The following RFX3 variants were observed in gnomAD, a reference collection of about 807,000 sequenced individuals.
RFX3 encodes the protein transcription factor RFX3.
In RFX3, 14 loss-of-function variants were observed where a neutral mutation model predicts 98.6. The ratio of observed to expected loss-of-function variants is 0.14; its 90% confidence interval spans 0.09 to 0.22. The LOEUF is 0.22. Among genes scored for constraint, RFX3 ranks in the 10% least tolerant of loss-of-function variants. The probability of loss-of-function intolerance (pLI) is 1.00; values close to 1 mark genes in which losing one functional copy is unlikely to be tolerated. For missense variants in RFX3, 639 were observed against 926.9 expected, an observed-to-expected ratio of 0.69 and a Z score of 4.03; for synonymous variants, 383 against 328.4, an observed-to-expected ratio of 1.17 and a Z score of -1.80.
intron 2 of RFX3, among the ~76,000 whole-genome samples, chr9:3,370,052 A>T (rs964469385): frequency 6.8e-6 from 1 of 146,858 alleles, no homozygotes; most frequent in African/African-American, 2.5e-5. Flanking sequence ...CGTGTTAGCC[A>T]GGATGGTCTC....
chr9:3,414,737 T>A (rs866486897), intron 1 of RFX3, among the ~76,000 whole-genome samples: 1 of 88,690 alleles, frequency 1.1e-5, no homozygotes, highest in African/African-American at 3.5e-5. Flanking sequence ...AGTATATATG[T>A]ATATATGAGT....
At chr9:3,360,935 T>C (rs887511649) in intron 2 of RFX3, among the ~76,000 whole-genome samples, 1 of 152,196 alleles carries the variant, frequency 6.6e-6, no homozygotes, top group South Asian at 2.1e-4. Context: ...ACAATACTAG[T>C]CTCTTTGTAA....
intron 1 of RFX3, among the ~76,000 whole-genome samples, chr9:3,498,605 T>G (rs1253314511): frequency 6.6e-6 from 1 of 152,078 alleles, no homozygotes; most frequent in Non-Finnish European, 1.5e-5. Context: ...GTTGTTATTT[T>G]GGGTATATTA....
chr9:3,412,442 T>C (rs1842539208), intron 1 of RFX3, among the ~76,000 whole-genome samples: 1 of 152,184 alleles, frequency 6.6e-6, no homozygotes, highest in Non-Finnish European at 1.5e-5. Flanking sequence ...TAAATAGTAA[T>C]TATCTATAGA....
At chr9:3,383,110 G>T (rs185488088) in intron 2 of RFX3, among the ~76,000 whole-genome samples, 5 of 151,890 alleles carry the variant, frequency 3.3e-5, no homozygotes, top group African/African-American at 1.2e-4. Flanking sequence ...ATTCCTTTCC[G>T]CAGATTACCC....
At chr9:3,373,056 C>T (rs1838041080) in intron 2 of RFX3, among the ~76,000 whole-genome samples, 1 of 152,116 alleles carries the variant, frequency 6.6e-6, no homozygotes, top group Non-Finnish European at 1.5e-5. Context: ...GCCAACTATT[C>T]GTTGCCATAT....
At chr9:3,482,308 G>A (rs748234884) in intron 1 of RFX3, among the ~76,000 whole-genome samples, 4 of 151,596 alleles carry the variant, frequency 2.6e-5, no homozygotes, top group Non-Finnish European at 5.9e-5. Flanking sequence ...CACACAAGCA[G>A]AAGCACACCC....
intron 2 of RFX3, among the ~76,000 whole-genome samples, chr9:3,348,305 C>G (rs1834683243): frequency 6.6e-6 from 1 of 151,954 alleles, no homozygotes; most frequent in African/African-American, 2.4e-5. Flanking sequence ...TAGTATTGTA[C>G]CATATCAGTT....
intron 2 of RFX3, among the ~76,000 whole-genome samples, chr9:3,370,369 G>A (rs79842042): frequency 0.03 from 4,589 of 151,688 alleles, 255 homozygotes; most frequent in African/African-American, 0.11. Flanking sequence ...TCCAACCATA[G>A]TATCAATATT....
chr9:3,489,850 T>C (rs910142598), intron 1 of RFX3, among the ~76,000 whole-genome samples: 1 of 152,156 alleles, frequency 6.6e-6, no homozygotes, highest in African/African-American at 2.4e-5. Flanking sequence ...CCAGTGCTCT[T>C]TCTTTATTGT....
chr9:3,512,356 C>T (rs1405989857), intron 1 of RFX3, among the ~76,000 whole-genome samples: 2 of 151,870 alleles, frequency 1.3e-5, no homozygotes, highest in African/African-American at 4.8e-5. Context: ...GTTTATTATA[C>T]TACTCCAGTG....
In RFX3 at chr9:3,394,867, A is replaced by T. The variant is rs1840694280; in HGVS notation, c.117+605T>A. On this transcript the variant is annotated intron_variant, in intron 2 of 16. Coordinates refer to ENST00000617270, the MANE Select transcript of RFX3 (RefSeq NM_001282116.2). Reference sequence around the variant, plus strand: ...TTACTTTGTCAGTATCTTTCCAAACAAGCCAACTGCCCTGCGTATGAATAA... The same window carrying T: ...TTACTTTGTCAGTATCTTTCCAAACTAGCCAACTGCCCTGCGTATGAATAA... 12 of 984,582 alleles carry T rather than the reference A, an allele frequency of 1.2e-5. No homozygotes were observed. The Admixed American group carries it at 7.4e-4, about 61-fold the overall frequency. 61.0% of individuals were successfully genotyped at this position (984,582 alleles called of 1,614,324 possible). A position where few individuals can be genotyped will look rare whatever the true frequency, so the allele number is the denominator to read the frequency against.
chr9:3,342,449 T>C (rs140759970), intron 3 of RFX3, among the ~76,000 whole-genome samples: 127 of 152,292 alleles, frequency 8.3e-4, no homozygotes, highest in Admixed American at 3.5e-3. Flanking sequence ...CAGATATCCA[T>C]ACAATGCATA....
chr9:3,517,384 CTTTTATCATCTTTCACT>C, intron 1 of RFX3, among the ~76,000 whole-genome samples: 1 of 152,168 alleles, frequency 6.6e-6, no homozygotes, highest in Non-Finnish European at 1.5e-5. Flanking sequence ...GTCCTTTCTC[CTTTTATCATCTTTCACT>C]GTATCTGTCT....
intron 1 of RFX3, among the ~76,000 whole-genome samples, chr9:3,501,005 GAA>G (rs1815940557): frequency 1.3e-5 from 2 of 152,138 alleles, no homozygotes; most frequent in Non-Finnish European, 2.9e-5. Context: ...AGTGTCATTG[GAA>G]TGTGCCTTCT....
chr9:3,427,608 C>T (rs1844238525), intron 1 of RFX3, among the ~76,000 whole-genome samples: 1 of 151,428 alleles, frequency 6.6e-6, no homozygotes, highest in Non-Finnish European at 1.5e-5. Context: ...ACTGTCTAAA[C>T]ACCCTGAATT....
intron 1 of RFX3, among the ~76,000 whole-genome samples, chr9:3,504,087 T>G (rs1428733203): frequency 1.4e-5 from 2 of 146,298 alleles, no homozygotes; most frequent in East Asian, 3.9e-4. Context: ...TCCTTAGTTT[T>G]GATCAATACA....
At chr9:3,271,561 CTCTT>C (rs3028225) in intron 9 of RFX3, among the ~76,000 whole-genome samples, 151 of 105,738 alleles carry the variant, frequency 1.4e-3, no homozygotes, top group African/African-American at 4.5e-3. Flanking sequence ...CTTTCTCTCT[CTCTT>C]TCTTTCTTTC....
intron 14 of RFX3, among the ~76,000 whole-genome samples, chr9:3,255,832 T>C (rs999193540): frequency 5.3e-5 from 8 of 152,222 alleles, no homozygotes; most frequent in African/African-American, 1.7e-4. Flanking sequence ...TTTCTATCTA[T>C]ACTATTTTAG....
Sources: allele counts gnomAD v4.1 joint callset (sites outside exome capture counted in the v4.1 genomes callset), GRCh38; gene constraint gnomAD v4.1.1; transcripts MANE v1.5; gene names NCBI Gene and HGNC (gene_info 2026-07-23, HGNC 2026-07-21).